Variants in BRDT observed in about 807,000 individuals in gnomAD.
The protein encoded by BRDT is bromodomain testis associated, also known as bromodomain testis-specific protein.
In BRDT, 77 loss-of-function variants were observed where a neutral mutation model predicts 113.9. The observed-to-expected ratio is 0.68, with a 90% CI of 0.56 to 0.82. The LOEUF is 0.82. Ranked by LOEUF, BRDT falls within the 40% of genes least tolerant of loss-of-function variation. The pLI is 0.00. For synonymous variants in BRDT, 358 were observed against 366.5 expected, an observed-to-expected ratio of 0.98 and a Z score of 0.26; for missense variants, 1,027 against 1,105.4, an observed-to-expected ratio of 0.93 and a Z score of 1.01.
Position 91,976,390 on chromosome 1 carries a change from C to T in BRDT, c.570C>T (p.Asn190=), listed in dbSNP as rs1401652721. ...CTAAGACATCTATTTCTCCCTTGAA[C>T]GTGGTACAGGGAGCTTCAGTCAACT... ...VFPKTSISPL[N]VVQGASVNSS... is the part of the protein sequence containing the mutation. Residue 190 remains asparagine, a synonymous_variant, in exon 5 of 19, where the codon AAC becomes AAT. Coordinates refer to ENST00000399546, the MANE Select transcript of BRDT (RefSeq NM_207189.4). 5.6e-6 allele frequency: 9 copies of T among 1,610,830 alleles called. No homozygotes were observed. Among genetic ancestry groups the T allele is most frequent in the East Asian group, 2.2e-5 (1 of 44,644 alleles).
chr1:91,957,487 C>T (rs1483280173), intron 1 of BRDT: 1 of 103,284 alleles, frequency 9.7e-6, no homozygotes, highest in Non-Finnish European at 2.2e-5. Context: ...AGCGAGACTC[C>T]ATCTCAAAAA....
In BRDT at chr1:91,977,063, GA is replaced by G. The variant is rs1250201596; in HGVS notation, c.642del (p.Ala215GlnfsTer31). ...AAQVTKGVKR[K>X]ADTTTPATSA... Reference sequence around the variant, plus strand: ...TGTAGGTTACAAAAGGTGTGAAGAGGAAAGCAGATACAACAACTCCTGCAAC... The same window carrying G: ...TGTAGGTTACAAAAGGTGTGAAGAGGAAGCAGATACAACAACTCCTGCAAC... On this transcript the variant is annotated frameshift_variant, in exon 6 of 19. Coordinates refer to ENST00000399546, the MANE Select transcript of BRDT (RefSeq NM_207189.4). LOFTEE classifies it high-confidence loss of function. The G allele has an allele frequency of 1.2e-6, 2 of 1,605,456 alleles. No homozygotes were observed. The highest frequency in any genetic ancestry group is 2.2e-5 in the South Asian group (2 of 89,140).
chr1:91,990,954 C>A (rs892855734), intron 12 of BRDT, among the ~76,000 whole-genome samples: 1 of 152,108 alleles, frequency 6.6e-6, no homozygotes, highest in Non-Finnish European at 1.5e-5. Context: ...TGTGCCACCA[C>A]ACCGTGCTAA....
intron 18 of BRDT, among the ~76,000 whole-genome samples, chr1:92,006,705 C>CG (rs1687342398): frequency 6.6e-6 from 1 of 152,174 alleles, no homozygotes. Flanking sequence ...TGACCTTAGG[C>CG]AATCGCCTGC....
intron 1 of BRDT, among the ~76,000 whole-genome samples, chr1:91,951,703 G>T (rs1681105224): frequency 6.6e-6 from 1 of 151,574 alleles, no homozygotes; most frequent in South Asian, 2.1e-4. Context: ...AACCTGGAGG[G>T]GCGGAGGTTG....
At chr1:92,003,394 G>A (rs990910954) in intron 16 of BRDT, among the ~76,000 whole-genome samples, 2 of 152,142 alleles carry the variant, frequency 1.3e-5, no homozygotes, top group Admixed American at 1.3e-4. Context: ...AGATGTTTTA[G>A]TATTGCACAG....
chr1:91,991,189 T>C lies in BRDT; in HGVS notation c.2008T>C (p.Phe670Leu). The stretch of plus-strand genomic sequence containing the variant: ...TTATGTGTATACATTTGCAGAAATG[T>C]TCCCTAAGTTTACAGAAGTAAAACC... ...SDSSDSESEM[F>L]PKFTEVKPND... The change falls in exon 13 of 19, where the codon TTC becomes CTC. Residue 670 changes from phenylalanine (F) to leucine (L), a missense_variant. Phe to Leu is a conservative substitution (Grantham distance 22). Coordinates refer to ENST00000399546, the MANE Select transcript of BRDT (RefSeq NM_207189.4). The C allele has an allele frequency of 6.5e-7, 1 of 1,527,770 alleles. No homozygotes were observed. Among genetic ancestry groups the C allele is most frequent in the Non-Finnish European group, 9.0e-7 (1 of 1,116,530 alleles). 94.6% of individuals were successfully genotyped at this position (1,527,770 alleles called of 1,614,324 possible).
In BRDT at chr1:92,005,224, T is replaced by C; in HGVS notation, c.2700T>C (p.Asp900=). 6.3e-7 allele frequency: 1 copy of C among 1,594,272 alleles called. No homozygotes were observed. Among genetic ancestry groups the C allele is most frequent in the Non-Finnish European group, 8.5e-7 (1 of 1,171,988 alleles). ...ATCAGCAGTCATCAGAAGCTCAAGA[T>C]AAATCCAAACTCTGGCTTCTCAAAG... The part of the protein sequence containing the change: ...KEHQQSSEAQ[D]KSKLWLLKDR... Residue 900 remains aspartate, a synonymous_variant, in exon 18 of 19, where the codon GAT becomes GAC. Transcript: ENST00000399546.
intron 12 of BRDT, among the ~76,000 whole-genome samples, chr1:91,985,794 A>G (rs1250136435): frequency 6.6e-6 from 1 of 151,270 alleles, no homozygotes; most frequent in African/African-American, 2.4e-5. Flanking sequence ...GCCCGCCACC[A>G]CGCCCGGCTA....
chr1:91,999,762 A>G (rs994884597), intron 15 of BRDT, among the ~76,000 whole-genome samples: 4 of 152,210 alleles, frequency 2.6e-5, no homozygotes, highest in Admixed American at 6.5e-5. Flanking sequence ...TTACAATTCA[A>G]ATGTATCCAG....
At chr1:91,962,147 A>C (rs1570448801) in intron 1 of BRDT, among the ~76,000 whole-genome samples, 1 of 1,128 alleles carries the variant, frequency 8.9e-4, no homozygotes, top group East Asian at 0.028. Context: ...TCCGTCTCAA[A>C]AAAAAAAAAA....
intron 12 of BRDT, among the ~76,000 whole-genome samples, chr1:91,985,829 G>A (rs1685181299): frequency 6.6e-6 from 1 of 151,202 alleles, no homozygotes; most frequent in African/African-American, 2.4e-5. Context: ...TAGTAGAGAC[G>A]GGGTTTCACC....
intron 18 of BRDT, among the ~76,000 whole-genome samples, chr1:92,006,386 G>T (rs1013124571): frequency 1.3e-5 from 2 of 151,524 alleles, no homozygotes; most frequent in Non-Finnish European, 2.9e-5. Context: ...AACCTATCTT[G>T]TGTTTTTTTT....
At chr1:91,991,989 C>T (rs1324340763) in intron 13 of BRDT, among the ~76,000 whole-genome samples, 2 of 36,190 alleles carry the variant, frequency 5.5e-5, no homozygotes, top group African/African-American at 1.2e-4. Flanking sequence ...AAGACTCTGT[C>T]TCAAAAAAAA....
At chr1:91,949,949 G>T (rs1680870244) in intron 1 of BRDT, 2 of 152,250 alleles carry the variant, frequency 1.3e-5, no homozygotes, top group African/African-American at 2.4e-5. Flanking sequence ...TTTTGGAAAT[G>T]CAGGAGAAAG....
Position 91,979,589 on chromosome 1 carries a change from T to G in BRDT, c.1119T>G (p.Phe373Leu), listed in dbSNP as rs373509947. The G allele has an allele frequency of 2.6e-5, 41 of 1,606,954 alleles. No homozygotes were observed. The highest frequency in any genetic ancestry group is 4.0e-5 in the African/African-American group (3 of 74,562). The change falls in exon 8 of 19, where the codon TTT becomes TTG. Residue 373 changes from phenylalanine (F) to leucine (L), a missense_variant. Physicochemically the swap from Phe to Leu is conservative, Grantham distance 22. Coordinates refer to ENST00000399546, the MANE Select transcript of BRDT (RefSeq NM_207189.4). ...RMLQDVFETH[F>L]SKIPIEPVES... ...TACAGGATGTTTTCGAAACGCATTT[T>G]TCAAAGATCCCGATTGAACCTGTTG...
intron 1 of BRDT, among the ~76,000 whole-genome samples, chr1:91,960,666 A>G (rs911215275): frequency 2.6e-5 from 4 of 151,972 alleles, no homozygotes; most frequent in African/African-American, 9.7e-5. Context: ...ACACTTAAAA[A>G]GAGTATGGTA....
chr1:92,001,975 A>C, intron 15 of BRDT, 74 bp from the exon 16 acceptor site: 1 of 1,136,992 alleles, frequency 8.8e-7, no homozygotes, highest in Non-Finnish European at 1.3e-6. Context: ...ACCTGGAAGG[A>C]AAAATAAAAT....
rs745926830 is a variant in BRDT at position 91,979,583 on chromosome 1, G to A, written c.1113G>A (p.Thr371=). Reference sequence around the variant, plus strand: ...TTTCATTACAGGATGTTTTCGAAACGCATTTTTCAAAGATCCCGATTGAAC... The same window carrying A: ...TTTCATTACAGGATGTTTTCGAAACACATTTTTCAAAGATCCCGATTGAAC... ...MARMLQDVFE[T]HFSKIPIEPV... Residue 371 remains threonine, a synonymous_variant, in exon 8 of 19, where the codon ACG becomes ACA. Transcript: ENST00000399546. 3 of 1,606,170 alleles carry A rather than the reference G, an allele frequency of 1.9e-6. No homozygotes were observed. Among genetic ancestry groups the A allele is most frequent in the South Asian group, 2.3e-5 (2 of 88,612 alleles).
Sources: allele counts gnomAD v4.1 joint callset (sites outside exome capture counted in the v4.1 genomes callset), GRCh38; gene constraint gnomAD v4.1.1; transcripts MANE v1.5; gene names NCBI Gene and HGNC (gene_info 2026-07-23, HGNC 2026-07-21).